Variants in SNTG1 observed in about 807,000 individuals in gnomAD.
SNTG1 encodes gamma-1-syntrophin.
In SNTG1, 39 loss-of-function variants were observed where a neutral mutation model predicts 74.7. The ratio of observed to expected loss-of-function variants is 0.52; its 90% CI spans 0.40 to 0.68. The LOEUF is 0.68. Ranked by LOEUF, SNTG1 falls within the 30% of genes least tolerant of loss-of-function variation. The probability of loss-of-function intolerance (pLI) is 0.00; values close to 1 mark genes in which losing one functional copy is unlikely to be tolerated. For missense variants in SNTG1, 685 were observed against 609.5 expected (o/e 1.12, Z -1.30); for synonymous variants, 254 against 217.1 (o/e 1.17, Z -1.49).
At chr8:50,325,877 G>A (rs1001307281) in intron 2 of SNTG1, among the ~76,000 whole-genome samples, 1 of 151,986 alleles carries the variant, frequency 6.6e-6, no homozygotes, top group Non-Finnish European at 1.5e-5. Flanking sequence ...TTCTGTAAAT[G>A]TTCTTTTTCA....
At chr8:50,435,963 C>T (rs919686532) in intron 4 of SNTG1, among the ~76,000 whole-genome samples, 15 of 152,058 alleles carry the variant, frequency 9.9e-5, no homozygotes, top group Admixed American at 6.6e-4. Context: ...TTTTTGAGGA[C>T]CCTGCGATGC....
chr8:50,090,643 C>T (rs762082889), intron 1 of SNTG1, among the ~76,000 whole-genome samples: 3 of 152,100 alleles, frequency 2.0e-5, no homozygotes, highest in Non-Finnish European at 4.4e-5. Flanking sequence ...GAACCCAGTG[C>T]TCCCCTTCTC....
chr8:50,044,135 T>G (rs2130835321), intron 1 of SNTG1, among the ~76,000 whole-genome samples: 1 of 152,304 alleles, frequency 6.6e-6, no homozygotes, highest in African/African-American at 2.4e-5. Context: ...GGGGTTAAAC[T>G]CACAGAAGTC....
intron 2 of SNTG1, among the ~76,000 whole-genome samples, chr8:50,185,449 T>A (rs1047896221): frequency 6.6e-6 from 1 of 152,164 alleles, no homozygotes. Context: ...CTAATATACA[T>A]GTTGTGTTAA....
rs144908225 is a variant in SNTG1, at chr8:50,403,765, C to A, written c.162+1421C>A. 4.2e-3 allele frequency among the ~76,000 whole-genome samples: 646 copies of A among 152,254 alleles called. 7 individuals are homozygous for A. Among genetic ancestry groups the A allele is most frequent in the African/African-American group, 0.011 (475 of 41,564 alleles). On this transcript the variant is annotated intron_variant, in intron 4 of 18. Coordinates refer to ENST00000642720, the MANE Select transcript of SNTG1 (RefSeq NM_018967.5). ...AAAAAGCATTTGACAAAATTCAACA[C>A]CCATTTTTACAAAACACTTTAGCAA...
intron 14 of SNTG1, among the ~76,000 whole-genome samples, chr8:50,657,792 A>T (rs1314584733): frequency 6.6e-6 from 1 of 152,124 alleles, no homozygotes; most frequent in Non-Finnish European, 1.5e-5. Context: ...TCTATATCCT[A>T]GTTATTGAGA....
chr8:50,326,348 T>G (rs2130847944), intron 2 of SNTG1, among the ~76,000 whole-genome samples: 1 of 152,156 alleles, frequency 6.6e-6, no homozygotes. Context: ...GGTTATTAAT[T>G]ATTGCTTCAA....
At chr8:50,241,823 G>A (rs564042216) in intron 2 of SNTG1, among the ~76,000 whole-genome samples, 35 of 152,144 alleles carry the variant, frequency 2.3e-4, no homozygotes, top group South Asian at 8.3e-4. Context: ...TTCTCAGCTC[G>A]GAAGTGCCTC....
intron 1 of SNTG1, among the ~76,000 whole-genome samples, chr8:50,069,809 A>G (rs943656517): frequency 1.3e-5 from 2 of 150,136 alleles, no homozygotes; most frequent in African/African-American, 4.9e-5. Context: ...ACAATCCCCC[A>G]CCCTTCCTGC....
intron 2 of SNTG1, among the ~76,000 whole-genome samples, chr8:50,241,257 G>A (rs1028523376): frequency 2.6e-5 from 4 of 152,174 alleles, no homozygotes; most frequent in African/African-American, 9.7e-5. Context: ...ACTGATTTAT[G>A]TGAACCTACA....
At chr8:50,619,812 C>T (rs928840196) in intron 13 of SNTG1, among the ~76,000 whole-genome samples, 2 of 150,620 alleles carry the variant, frequency 1.3e-5, no homozygotes, top group East Asian at 2.0e-4. Context: ...ACTAAGACTC[C>T]TATTATCTTT....
chr8:50,564,118 G>T (rs975612073), intron 12 of SNTG1, among the ~76,000 whole-genome samples: 7 of 145,150 alleles, frequency 4.8e-5, no homozygotes, highest in African/African-American at 7.5e-5. Flanking sequence ...GTTGCAGTCC[G>T]TTTTTTTTTT....
chr8:50,768,848 T>A (rs961845794), intron 18 of SNTG1, among the ~76,000 whole-genome samples: 1 of 152,030 alleles, frequency 6.6e-6, no homozygotes, highest in Admixed American at 6.6e-5. Flanking sequence ...AGGACAAAAA[T>A]TGAACTCACA....
Position 50,509,869 on chromosome 8 carries a change from C to A in SNTG1, c.466+6989C>A, listed in dbSNP as rs373121710. ...CAATCATGTCATCTGCAAGCAGGGA[C>A]AATTTGACTTCCTCTTTTCCTAATT... On this transcript the variant is annotated intron_variant, in intron 9 of 18. Coordinates refer to ENST00000642720, the MANE Select transcript of SNTG1 (RefSeq NM_018967.5). Among the ~76,000 whole-genome samples the A allele has an allele frequency of 5.9e-5, 9 of 152,244 alleles. No homozygotes were observed. The East Asian group carries it at 1.5e-3, about 26-fold the overall frequency.
intron 1 of SNTG1, among the ~76,000 whole-genome samples, chr8:49,989,097 G>A (rs1404040285): frequency 2.0e-5 from 3 of 151,888 alleles, no homozygotes; most frequent in African/African-American, 7.2e-5. Flanking sequence ...TATGTATCCA[G>A]AGTCACTAAA....
At chr8:50,073,177 C>G (rs1012874827) in intron 1 of SNTG1, among the ~76,000 whole-genome samples, 1 of 152,090 alleles carries the variant, frequency 6.6e-6, no homozygotes, top group Admixed American at 6.5e-5. Flanking sequence ...TTGGAAACAC[C>G]CTCTCAAACC....
chr8:50,456,878 G>T (rs1358419450), intron 8 of SNTG1: 1 of 152,240 alleles, frequency 6.6e-6, no homozygotes, highest in African/African-American at 2.4e-5. Flanking sequence ...GGCAGGGCAG[G>T]CATGGGTGAG....
intron 1 of SNTG1, among the ~76,000 whole-genome samples, chr8:50,114,645 T>C (rs983832222): frequency 6.6e-6 from 1 of 152,018 alleles, no homozygotes; most frequent in Non-Finnish European, 1.5e-5. Context: ...GGCAGGTGGA[T>C]CACGAGGTCA....
intron 8 of SNTG1, among the ~76,000 whole-genome samples, chr8:50,483,333 A>T (rs529527675): frequency 6.6e-6 from 1 of 152,282 alleles, no homozygotes; most frequent in African/African-American, 2.4e-5. Flanking sequence ...ATTAAGCAAC[A>T]TATAAGGCAG....
Sources: gnomAD v4.1 joint callset for allele counts (sites outside exome capture counted in the v4.1 genomes callset) on GRCh38, gnomAD v4.1.1 for gene constraint, MANE v1.5 for transcripts, NCBI Gene and HGNC (gene_info 2026-07-23, HGNC 2026-07-21) for gene names.